Variants in KHDRBS2 observed in about 807,000 individuals in gnomAD.
KHDRBS2 encodes the protein KH domain-containing, RNA-binding, signal transduction-associated protein 2.
In KHDRBS2, 26 loss-of-function variants were observed where a neutral mutation model predicts 44.3. The ratio of observed to expected loss-of-function variants is 0.59; its 90% CI spans 0.43 to 0.81. KHDRBS2 has a LOEUF of 0.81. Ranked by LOEUF, KHDRBS2 falls within the 40% of genes least tolerant of loss-of-function variation. KHDRBS2 has a pLI of 0.00. For synonymous variants in KHDRBS2, 194 were observed against 151.1 expected (o/e 1.28, Z -2.08); for missense variants, 476 against 433.1 (o/e 1.10, Z -0.88).
intron 1 of KHDRBS2, among the ~76,000 whole-genome samples, chr6:62,191,812 A>G (rs959612088): frequency 1.3e-5 from 2 of 152,122 alleles, no homozygotes; most frequent in African/African-American, 4.8e-5. Context: ...ATTTATTTCC[A>G]CAAAATGCAA....
chr6:61,666,845 G>C, the KHDRBS2 span, among the ~76,000 whole-genome samples: 1 of 151,334 alleles, frequency 6.6e-6, no homozygotes, highest in Admixed American at 6.6e-5. Context: ...GGTGGACAGA[G>C]ATAAATTAGA....
chr6:61,579,764 A>G, the KHDRBS2 span, among the ~76,000 whole-genome samples: 1 of 152,154 alleles, frequency 6.6e-6, no homozygotes, highest in Non-Finnish European at 1.5e-5. Flanking sequence ...AAAGATTGAA[A>G]TGTGAAAGGC....
chr6:62,046,150 T>C (rs1174156137), intron 3 of KHDRBS2, among the ~76,000 whole-genome samples: 2 of 151,924 alleles, frequency 1.3e-5, no homozygotes, highest in Non-Finnish European at 2.9e-5. Flanking sequence ...CAGGTAATAT[T>C]AGTAAATTAA....
At chr6:61,643,002 T>C in the KHDRBS2 span, among the ~76,000 whole-genome samples, 1 of 152,174 alleles carries the variant, frequency 6.6e-6, no homozygotes, top group East Asian at 1.9e-4. Context: ...ATTTGGGAGA[T>C]GCATGGCTCA....
intron 4 of KHDRBS2, among the ~76,000 whole-genome samples, chr6:61,949,510 C>T (rs1764306673): frequency 6.6e-6 from 1 of 152,066 alleles, no homozygotes; most frequent in Non-Finnish European, 1.5e-5. Flanking sequence ...AACTTAAAGG[C>T]TATCCATCTC....
At chr6:61,777,995 C>T (rs1198420320) in intron 6 of KHDRBS2, among the ~76,000 whole-genome samples, 1 of 151,990 alleles carries the variant, frequency 6.6e-6, no homozygotes, top group African/African-American at 2.4e-5. Context: ...TGCCCCTCTC[C>T]CTCCTCCCAC....
At chr6:62,265,185 T>C (rs1838994143) in intron 1 of KHDRBS2, among the ~76,000 whole-genome samples, 1 of 151,942 alleles carries the variant, frequency 6.6e-6, no homozygotes, top group Non-Finnish European at 1.5e-5. Flanking sequence ...TGTTGCAATA[T>C]ACACTAAAAT....
the KHDRBS2 span, among the ~76,000 whole-genome samples, chr6:61,666,716 A>G: frequency 6.6e-6 from 1 of 151,458 alleles, no homozygotes; most frequent in East Asian, 1.9e-4. Flanking sequence ...TAAACAATAT[A>G]ATACAGCAAA....
intron 1 of KHDRBS2, among the ~76,000 whole-genome samples, chr6:62,219,754 CTTTAA>C (rs1004370836): frequency 1.3e-5 from 2 of 149,046 alleles, no homozygotes; most frequent in African/African-American, 4.9e-5. Flanking sequence ...AGTTGCACAT[CTTTAA>C]TTTATTTTCA....
intron 4 of KHDRBS2, among the ~76,000 whole-genome samples, chr6:61,938,818 C>G (rs1237921322): frequency 1.3e-5 from 2 of 151,996 alleles, no homozygotes; most frequent in Non-Finnish European, 1.5e-5. Flanking sequence ...GAGAAAAAAG[C>G]AAAATTGTTG....
intron 2 of KHDRBS2, among the ~76,000 whole-genome samples, chr6:62,102,640 C>T (rs1802166796): frequency 6.6e-6 from 1 of 152,132 alleles, no homozygotes; most frequent in South Asian, 2.1e-4. Context: ...GCTGGCCTGG[C>T]CCTGACAACA....
intron 4 of KHDRBS2, among the ~76,000 whole-genome samples, chr6:61,968,728 A>G (rs1379729379): frequency 6.6e-6 from 1 of 151,992 alleles, no homozygotes; most frequent in Non-Finnish European, 1.5e-5. Context: ...GAAAACTTAC[A>G]GCATCTGGGC....
At chr6:61,684,261 C>T (rs542479409) in intron 8 of KHDRBS2, among the ~76,000 whole-genome samples, 1 of 152,012 alleles carries the variant, frequency 6.6e-6, no homozygotes, top group East Asian at 2.0e-4. Flanking sequence ...CCCCTCATTG[C>T]TCACCAGCGA....
chr6:61,682,489 C>G (rs1766413655), intron 8 of KHDRBS2, among the ~76,000 whole-genome samples: 1 of 151,812 alleles, frequency 6.6e-6, no homozygotes, highest in African/African-American at 2.4e-5. Context: ...CATACTCTGG[C>G]CTGTGAACCA....
intron 4 of KHDRBS2, among the ~76,000 whole-genome samples, chr6:61,932,380 CCTAT>C (rs758276950): frequency 3.9e-5 from 6 of 152,282 alleles, no homozygotes; most frequent in East Asian, 1.9e-4. Context: ...ATTTATTCCT[CCTAT>C]CTAACTGTAA....
At chr6:62,097,763 T>C (rs984204596) in intron 2 of KHDRBS2, among the ~76,000 whole-genome samples, 2 of 152,154 alleles carry the variant, frequency 1.3e-5, no homozygotes, top group African/African-American at 4.8e-5. Flanking sequence ...TATTTTGTTA[T>C]TTGTTTTCTT....
intron 3 of KHDRBS2, among the ~76,000 whole-genome samples, chr6:62,005,594 C>A (rs1233098328): frequency 8.6e-5 from 13 of 150,790 alleles, no homozygotes; most frequent in African/African-American, 3.2e-4. Context: ...AAATCAAATT[C>A]ATTTAAATAA....
chr6:62,175,580 G>C (rs1820928599), intron 2 of KHDRBS2, among the ~76,000 whole-genome samples: 1 of 151,490 alleles, frequency 6.6e-6, no homozygotes, highest in Non-Finnish European at 1.5e-5. Flanking sequence ...TATATATTCT[G>C]TGATTTCCAA....
chr6:61,943,116 A>T (rs1242098950), intron 4 of KHDRBS2, among the ~76,000 whole-genome samples: 1 of 66,048 alleles, frequency 1.5e-5, no homozygotes, highest in East Asian at 5.3e-4. Flanking sequence ...GAAAGAAAAG[A>T]AAAAAGAAAA....
Sources: allele counts gnomAD v4.1 joint callset (sites outside exome capture counted in the v4.1 genomes callset), GRCh38; gene constraint gnomAD v4.1.1; transcripts MANE v1.5; gene names NCBI Gene and HGNC (gene_info 2026-07-23, HGNC 2026-07-21).